PTPRT: variants seen among roughly 807,000 people sequenced by gnomAD.
PTPRT encodes the protein protein tyrosine phosphatase receptor type T.
A neutral mutation model predicts 176.8 loss-of-function variants in PTPRT; 56 were observed. The ratio of observed to expected loss-of-function variants is 0.32; its 90% CI spans 0.26 to 0.40. PTPRT has a LOEUF of 0.40. Among genes scored for constraint, PTPRT ranks in the 10% least tolerant of loss-of-function variants. The pLI is 1.00. For missense variants in PTPRT, 1,540 were observed against 1,908.2 expected, an observed-to-expected ratio of 0.81 and a Z score of 3.60; for synonymous variants, 783 against 739.0, an observed-to-expected ratio of 1.06 and a Z score of -0.96.
intron 9 of PTPRT, among the ~76,000 whole-genome samples, chr20:42,403,401 T>C (rs1318239938): frequency 6.6e-6 from 1 of 152,188 alleles, no homozygotes; most frequent in Non-Finnish European, 1.5e-5. Context: ...ATGTTGGACT[T>C]GTACTGTTAA....
intron 7 of PTPRT, among the ~76,000 whole-genome samples, chr20:42,587,346 G>A (rs2073489758): frequency 6.6e-6 from 1 of 152,220 alleles, no homozygotes; most frequent in Admixed American, 6.5e-5. Context: ...ATGGGGTCTG[G>A]CTCTGCCAGA....
chr20:42,409,279 G>A (rs558551607), intron 9 of PTPRT, among the ~76,000 whole-genome samples: 2 of 151,820 alleles, frequency 1.3e-5, no homozygotes, highest in African/African-American at 2.4e-5. Flanking sequence ...TCAGGAGTTC[G>A]AGACCAGCCT....
At chr20:42,568,376 T>C (rs1248922480) in intron 7 of PTPRT, among the ~76,000 whole-genome samples, 3 of 152,150 alleles carry the variant, frequency 2.0e-5, no homozygotes, top group Non-Finnish European at 4.4e-5. Context: ...ACGTTGGTAT[T>C]ATTATCCTCC....
At chr20:43,042,738 A>ATCTCTCCTCCCACCCC (rs1986665785) in intron 1 of PTPRT, among the ~76,000 whole-genome samples, 2 of 17,576 alleles carry the variant, frequency 1.1e-4, no homozygotes, top group African/African-American at 4.6e-4. Context: ...CCTCCCACCC[A>ATCTCTCCTCCCACCCC]CCATCTCTCC....
At chr20:42,803,372 C>CT (rs1300993789) in intron 2 of PTPRT, among the ~76,000 whole-genome samples, 2 of 152,162 alleles carry the variant, frequency 1.3e-5, no homozygotes. Flanking sequence ...TTGAGAACCA[C>CT]TTTTTTTCCC....
intron 7 of PTPRT, among the ~76,000 whole-genome samples, chr20:42,611,326 T>G (rs527556324): frequency 6.6e-6 from 1 of 152,256 alleles, no homozygotes; most frequent in East Asian, 1.9e-4. Flanking sequence ...CTCCAACACT[T>G]GTTATTATCT....
intron 15 of PTPRT, among the ~76,000 whole-genome samples, chr20:42,223,642 C>T (rs1333186314): frequency 6.6e-6 from 1 of 152,104 alleles, no homozygotes; most frequent in Admixed American, 6.5e-5. Context: ...CTGGAAAAAC[C>T]TTAGATCCCA....
chr20:42,057,777 C>T, the PTPRT span, among the ~76,000 whole-genome samples: 2 of 152,038 alleles, frequency 1.3e-5, no homozygotes, highest in African/African-American at 4.8e-5. Flanking sequence ...TTGGGTCTTG[C>T]TATGTTGCCC....
chr20:42,358,376 T>C (rs1367587332), intron 9 of PTPRT, among the ~76,000 whole-genome samples: 1 of 152,172 alleles, frequency 6.6e-6, no homozygotes, highest in African/African-American at 2.4e-5. Flanking sequence ...TGCTTGGCCA[T>C]GTACTAAGCT....
rs865853601 is a variant in PTPRT, at chr20:42,668,840, C to T, written c.1153+9026G>A. On this transcript the variant is annotated intron_variant, in intron 7 of 30. Coordinates refer to ENST00000373187, the MANE Select transcript of PTPRT (RefSeq NM_007050.6). ...CCGAGTAGCTGGGACTACAGGCGCC[C>T]GCCACCACGCCCAGCTAATTTTTTT... Among the ~76,000 whole-genome samples, 303 of 150,290 alleles carry T rather than the reference C, an allele frequency of 2.0e-3. 3 individuals carry two copies. Among genetic ancestry groups the T allele is most frequent in the Admixed American group, 0.017 (250 of 15,056 alleles).
intron 1 of PTPRT, among the ~76,000 whole-genome samples, chr20:43,183,760 C>A (rs2015323319): frequency 1.3e-5 from 2 of 152,250 alleles, no homozygotes; most frequent in South Asian, 4.1e-4. Context: ...CATAGATCTG[C>A]CTTATCTGTG....
chr20:42,374,518 A>C (rs1336944459), intron 9 of PTPRT, among the ~76,000 whole-genome samples: 1 of 152,224 alleles, frequency 6.6e-6, no homozygotes, highest in African/African-American at 2.4e-5. Flanking sequence ...ACAAAATGAA[A>C]AATACATAAA....
chr20:42,098,587 A>G, intron 26 of PTPRT, 35 bp from the exon 27 acceptor site: 1 of 1,612,644 alleles, frequency 6.2e-7, no homozygotes, highest in Non-Finnish European at 8.5e-7. Flanking sequence ...CGTAAATTAC[A>G]CATCCATCAG....
At chr20:42,288,338 G>A (rs2057264680) in intron 12 of PTPRT, among the ~76,000 whole-genome samples, 2 of 90,750 alleles carry the variant, frequency 2.2e-5, no homozygotes, top group Non-Finnish European at 4.5e-5. Flanking sequence ...ATTCTGCAGA[G>A]TTTTTTTGTT....
intron 7 of PTPRT, among the ~76,000 whole-genome samples, chr20:42,559,148 A>C (rs754839095): frequency 5.3e-5 from 8 of 152,164 alleles, no homozygotes; most frequent in Non-Finnish European, 1.0e-4. Flanking sequence ...TAGAGGCTTA[A>C]ATCTATATAA....
chr20:42,516,688 T>C (rs1389309207), intron 7 of PTPRT, among the ~76,000 whole-genome samples: 5 of 152,184 alleles, frequency 3.3e-5, no homozygotes, highest in Non-Finnish European at 5.9e-5. Flanking sequence ...TACTTAGTTT[T>C]TGTAGATCCT....
intron 1 of PTPRT, among the ~76,000 whole-genome samples, chr20:42,889,006 A>G (rs946450913): frequency 6.6e-6 from 1 of 152,142 alleles, no homozygotes; most frequent in African/African-American, 2.4e-5. Context: ...CTATACCTCT[A>G]GGCATCCCAG....
At chr20:42,445,585 T>C (rs2059355117) in intron 9 of PTPRT, among the ~76,000 whole-genome samples, 1 of 152,230 alleles carries the variant, frequency 6.6e-6, no homozygotes, top group African/African-American at 2.4e-5. Context: ...CTTAGCTGTC[T>C]TTACAGCATC....
chr20:42,917,828 C>T (rs1252150760), intron 1 of PTPRT, among the ~76,000 whole-genome samples: 2 of 152,176 alleles, frequency 1.3e-5, no homozygotes, highest in South Asian at 2.1e-4. Flanking sequence ...GTTAGCTCTT[C>T]TCCTTCATTC....
Sources: gnomAD v4.1 joint callset for allele counts (sites outside exome capture counted in the v4.1 genomes callset) on GRCh38, gnomAD v4.1.1 for gene constraint, MANE v1.5 for transcripts, NCBI Gene and HGNC (gene_info 2026-07-23, HGNC 2026-07-21) for gene names.